Variants in SORCS1 observed in about 807,000 individuals in gnomAD.
SORCS1 encodes the protein sortilin related VPS10 domain containing receptor 1, also known as VPS10 domain-containing receptor SorCS1.
Under a neutral mutation model 146.1 loss-of-function variants are expected in SORCS1, and 60 were observed. The observed-to-expected ratio is 0.41, with a 90% CI of 0.33 to 0.51. The LOEUF is 0.51. Among genes scored for constraint, SORCS1 ranks in the 20% least tolerant of loss-of-function variants. The pLI is 0.21. For missense variants in SORCS1, 1,352 were observed against 1,487.6 expected (o/e 0.91, Z 1.50); for synonymous variants, 637 against 584.0 (o/e 1.09, Z -1.31).
chr10:106,932,250 A>G (rs1953458550), intron 2 of SORCS1, among the ~76,000 whole-genome samples: 1 of 152,142 alleles, frequency 6.6e-6, no homozygotes, highest in Non-Finnish European at 1.5e-5. Flanking sequence ...TTTTTGATAT[A>G]TTTGAGTATA....
chr10:107,055,527 G>A (rs1374168683), intron 1 of SORCS1, among the ~76,000 whole-genome samples: 1 of 152,058 alleles, frequency 6.6e-6, no homozygotes, highest in Admixed American at 6.6e-5. Context: ...TTCACCAGTG[G>A]GCAGAAAATA....
chr10:107,074,548 G>A (rs1370599553), intron 1 of SORCS1, among the ~76,000 whole-genome samples: 2 of 152,206 alleles, frequency 1.3e-5, no homozygotes, highest in Non-Finnish European at 2.9e-5. Context: ...TTCAACTCCT[G>A]TGGATAAATT....
chr10:107,153,180 T>C (rs1351647690), intron 1 of SORCS1, among the ~76,000 whole-genome samples: 7 of 152,076 alleles, frequency 4.6e-5, no homozygotes, highest in African/African-American at 1.7e-4. Flanking sequence ...CTCTCTGTTT[T>C]TTTTTTCCAT....
At chr10:106,732,858 C>G (rs1322524424) in intron 5 of SORCS1, among the ~76,000 whole-genome samples, 1 of 152,190 alleles carries the variant, frequency 6.6e-6, no homozygotes, top group East Asian at 1.9e-4. Flanking sequence ...CAGTGGCTCA[C>G]GCCTGTAATC....
Position 107,060,973 on chromosome 10 carries a change from T to G in SORCS1, c.558+102996A>C, listed in dbSNP as rs764319901. Among the ~76,000 whole-genome samples the G allele has an allele frequency of 6.6e-6, 1 of 152,214 alleles. No individual in the cohort carries two copies. Among genetic ancestry groups the G allele is most frequent in the Non-Finnish European group, 1.5e-5 (1 of 68,034 alleles). On this transcript the variant is annotated intron_variant, in intron 1 of 25. Coordinates refer to ENST00000263054, the MANE Select transcript of SORCS1 (RefSeq NM_052918.5). The surrounding 1 kb of genome is among the most constrained non-coding windows in gnomAD (Gnocchi z 4.1). ...TCTTTCCAAGTTAAATAAAAAAATT[T>G]ATCTTCTGTTTCTACTCCAGCCAGA...
At position 106,709,253 on chromosome 10, in the gene SORCS1, C is replaced by G; in HGVS notation, c.1113G>C (p.Leu371Phe). Residue 371 changes from leucine to phenylalanine, a missense_variant, in exon 7 of 26, where the codon TTG (leucine) becomes TTC (phenylalanine). Leu to Phe is a conservative substitution (Grantham distance 22). Transcript: ENST00000263054. ...CAAACACATAATGATCCTGAACAAT[C>G]AAAGAGTCTGGGTCAATGTAGCCTG... The part of the protein sequence containing the change: ...PFPGYIDPDS[L>F]IVQDHYVFVQ... 1 of 1,613,572 alleles carries G rather than the reference C, an allele frequency of 6.2e-7. No individual in the cohort carries two copies. The highest frequency in any genetic ancestry group is 8.5e-7 in the Non-Finnish European group (1 of 1,179,748).
intron 2 of SORCS1, among the ~76,000 whole-genome samples, chr10:106,904,969 A>G (rs1951852398): frequency 6.6e-6 from 1 of 152,268 alleles, no homozygotes; most frequent in Non-Finnish European, 1.5e-5. Flanking sequence ...AATAATGAAA[A>G]TGCAAATATT....
At chr10:107,056,982 C>A (rs537925588) in intron 1 of SORCS1, among the ~76,000 whole-genome samples, 2 of 152,192 alleles carry the variant, frequency 1.3e-5, no homozygotes, top group African/African-American at 4.8e-5. Flanking sequence ...ACCGTGTGCA[C>A]GGAGACTTTC....
At chr10:106,690,508 G>T (rs541264889) in intron 9 of SORCS1, among the ~76,000 whole-genome samples, 1 of 152,216 alleles carries the variant, frequency 6.6e-6, no homozygotes. Context: ...TGGTTCATTT[G>T]ATTCGCAGAA....
chr10:106,704,730 C>G (rs1349719548), intron 8 of SORCS1, among the ~76,000 whole-genome samples: 3 of 152,072 alleles, frequency 2.0e-5, no homozygotes, highest in Non-Finnish European at 4.4e-5. Context: ...AAACAAAAAA[C>G]AGTTTATTCC....
At chr10:106,787,262 T>A (rs531995197) in intron 3 of SORCS1, among the ~76,000 whole-genome samples, 1 of 152,174 alleles carries the variant, frequency 6.6e-6, no homozygotes, top group East Asian at 1.9e-4. Flanking sequence ...AACCAGAAAT[T>A]GAAAATAGGA....
chr10:107,066,410 AATGTGTTAT>A (rs1961861833), intron 1 of SORCS1, among the ~76,000 whole-genome samples: 2 of 152,154 alleles, frequency 1.3e-5, no homozygotes, highest in African/African-American at 4.8e-5. Flanking sequence ...GTGAAATGGG[AATGTGTTAT>A]GCAAGCCGAA....
At chr10:107,003,409 G>C (rs1324171669) in intron 1 of SORCS1, among the ~76,000 whole-genome samples, 1 of 150,194 alleles carries the variant, frequency 6.7e-6, no homozygotes, top group Non-Finnish European at 1.5e-5. Flanking sequence ...TGTGTATAGA[G>C]AGAATAATAA....
chr10:107,152,298 A>C (rs1418571080), intron 1 of SORCS1, among the ~76,000 whole-genome samples: 1 of 152,042 alleles, frequency 6.6e-6, no homozygotes, highest in Non-Finnish European at 1.5e-5. Flanking sequence ...CTCATGGAGA[A>C]CCTCTGCTAG....
At chr10:106,883,324 T>C (rs1950875209) in intron 2 of SORCS1, among the ~76,000 whole-genome samples, 1 of 152,204 alleles carries the variant, frequency 6.6e-6, no homozygotes, top group South Asian at 2.1e-4. Flanking sequence ...CTTTTACCCT[T>C]CGATCTTGCA....
At chr10:106,999,396 T>C (rs1957125096) in intron 1 of SORCS1, among the ~76,000 whole-genome samples, 1 of 152,240 alleles carries the variant, frequency 6.6e-6, no homozygotes, top group Non-Finnish European at 1.5e-5. Context: ...GCATCTGCTG[T>C]GTCCTGTTTC....
intron 18 of SORCS1, among the ~76,000 whole-genome samples, chr10:106,633,895 T>C (rs1205436743): frequency 2.6e-5 from 4 of 152,134 alleles, no homozygotes; most frequent in Admixed American, 1.3e-4. Flanking sequence ...CAGTCTGAGG[T>C]CTGCAGCCGA....
chr10:106,734,447 AT>A (rs1856811871), intron 5 of SORCS1, among the ~76,000 whole-genome samples: 1 of 152,170 alleles, frequency 6.6e-6, no homozygotes, highest in African/African-American at 2.4e-5. Flanking sequence ...AAATTAGGCC[AT>A]GTTATAATTG....
chr10:106,688,420 C>A (rs2135637770), intron 9 of SORCS1, 82 bp from the exon 10 acceptor site: 2 of 1,507,960 alleles, frequency 1.3e-6, no homozygotes, highest in South Asian at 1.3e-5. Flanking sequence ...AGAAGGCTGT[C>A]AAAGTCAGCT....
Sources: allele counts gnomAD v4.1 joint callset (sites outside exome capture counted in the v4.1 genomes callset), GRCh38; gene constraint gnomAD v4.1.1; non-coding constraint Gnocchi (gnomAD v3.1); transcripts MANE v1.5; gene names NCBI Gene and HGNC (gene_info 2026-07-23, HGNC 2026-07-21).